TM9SF3: variants seen among roughly 807,000 people sequenced by gnomAD.
TM9SF3 encodes transmembrane 9 superfamily member 3, also known as SM-11044-binding protein.
A neutral mutation model predicts 78.6 loss-of-function variants in TM9SF3; 14 were observed. The observed-to-expected ratio is 0.18, with a 90% CI of 0.12 to 0.28. TM9SF3 has a LOEUF of 0.28. Ranked by LOEUF, TM9SF3 falls within the 10% of genes least tolerant of loss-of-function variation. The pLI, the probability that TM9SF3 is intolerant of heterozygous loss-of-function variation, is 1.00. For missense variants in TM9SF3, 496 were observed against 721.9 expected, an observed-to-expected ratio of 0.69 and a Z score of 3.59; for synonymous variants, 231 against 241.7, an observed-to-expected ratio of 0.96 and a Z score of 0.41.
In TM9SF3 at chr10:96,582,855, G is replaced by A. The variant is rs183654091; in HGVS notation, c.102+3879C>T. Among the ~76,000 whole-genome samples the A allele has an allele frequency of 1.4e-3, 220 of 151,850 alleles. 2 individuals carry two copies. The highest frequency in any genetic ancestry group is 5.1e-3 in the African/African-American group (211 of 41,402). On this transcript the variant is annotated intron_variant, in intron 1 of 14. Transcript: ENST00000371142. ...AGCACTTTGGGAGGCCGAGGCAGGC[G>A]GATCACCTGATATCAGGAGTTCAAG... is the stretch of plus-strand genomic sequence containing the variant.
At chr10:96,567,521 C>A (rs1415346003) in intron 2 of TM9SF3, among the ~76,000 whole-genome samples, 1 of 152,156 alleles carries the variant, frequency 6.6e-6, no homozygotes, top group African/African-American at 2.4e-5. Context: ...GGCCTCTGAA[C>A]TTTTTTGCTC....
intron 3 of TM9SF3, among the ~76,000 whole-genome samples, chr10:96,563,977 G>A (rs1302029110): frequency 6.6e-6 from 1 of 152,022 alleles, no homozygotes; most frequent in East Asian, 1.9e-4. Flanking sequence ...TTGCTAACGA[G>A]CCCACAGCTG....
chr10:96,562,851 A>AT (rs1564936772), intron 3 of TM9SF3, among the ~76,000 whole-genome samples: 2 of 152,202 alleles, frequency 1.3e-5, no homozygotes, highest in Non-Finnish European at 2.9e-5. Context: ...ACTGCCAGCT[A>AT]TTTGTCCAAT....
At chr10:96,556,913 A>G (rs1021430483) in intron 5 of TM9SF3, among the ~76,000 whole-genome samples, 1 of 152,166 alleles carries the variant, frequency 6.6e-6, no homozygotes, top group Non-Finnish European at 1.5e-5. Context: ...TTGACCCATC[A>G]GCAAAAATTC....
chr10:96,574,881 C>T (rs1848478928), intron 2 of TM9SF3, among the ~76,000 whole-genome samples: 1 of 152,108 alleles, frequency 6.6e-6, no homozygotes, highest in African/African-American at 2.4e-5. Flanking sequence ...AATGAGAACA[C>T]ATGGACACAG....
intron 1 of TM9SF3, among the ~76,000 whole-genome samples, chr10:96,580,378 G>A (rs1341590472): frequency 4.6e-5 from 7 of 152,036 alleles, no homozygotes; most frequent in Admixed American, 1.3e-4. Flanking sequence ...CCATTCTCCC[G>A]CCTCAGCCTC....
At chr10:96,546,616 C>A (rs563662456) in intron 8 of TM9SF3, among the ~76,000 whole-genome samples, 1 of 152,062 alleles carries the variant, frequency 6.6e-6, no homozygotes. Context: ...ACCTGCGAGT[C>A]GAATTTAGAG....
At chr10:96,529,800 A>G (rs1847876861) in intron 11 of TM9SF3, among the ~76,000 whole-genome samples, 2 of 152,158 alleles carry the variant, frequency 1.3e-5, no homozygotes, top group Admixed American at 1.3e-4. Flanking sequence ...CATACAGGAG[A>G]CAATCAGCAG....
At chr10:96,579,938 A>G (rs916788977) in intron 1 of TM9SF3, among the ~76,000 whole-genome samples, 14 of 152,230 alleles carry the variant, frequency 9.2e-5, no homozygotes, top group Non-Finnish European at 1.6e-4. Flanking sequence ...AAAACAAAAC[A>G]AACAAAAATC....
intron 12 of TM9SF3, 99 bp from the exon 13 acceptor site, chr10:96,527,595 T>G: frequency 1.1e-6 from 1 of 950,734 alleles, no homozygotes; most frequent in Non-Finnish European, 1.6e-6. Context: ...TCCTTTAAAG[T>G]CCTTTAAAAC....
At chr10:96,573,948 G>A (rs1848468152) in intron 2 of TM9SF3, among the ~76,000 whole-genome samples, 1 of 152,124 alleles carries the variant, frequency 6.6e-6, no homozygotes, top group Admixed American at 6.6e-5. Flanking sequence ...AGACTTAAAC[G>A]TAAGACCTAA....
At chr10:96,573,214 T>A (rs1246127212) in intron 2 of TM9SF3, among the ~76,000 whole-genome samples, 2 of 152,164 alleles carry the variant, frequency 1.3e-5, no homozygotes, top group African/African-American at 4.8e-5. Flanking sequence ...ATGTTCCAGT[T>A]TCTATTATTA....
At chr10:96,532,546 A>G (rs1179664850) in intron 10 of TM9SF3, among the ~76,000 whole-genome samples, 1 of 152,190 alleles carries the variant, frequency 6.6e-6, no homozygotes, top group African/African-American at 2.4e-5. Context: ...ATAAATAGGG[A>G]ATGTAATAAA....
intron 2 of TM9SF3, among the ~76,000 whole-genome samples, chr10:96,567,121 G>A (rs745603855): frequency 1.6e-5 from 1 of 63,316 alleles, no homozygotes; most frequent in Admixed American, 3.0e-4. Flanking sequence ...TTTCACTCTT[G>A]TTGTCCAAGC....
At chr10:96,546,373 G>A (rs1848100795) in intron 8 of TM9SF3, among the ~76,000 whole-genome samples, 1 of 152,164 alleles carries the variant, frequency 6.6e-6, no homozygotes, top group Non-Finnish European at 1.5e-5. Flanking sequence ...TGTAGTAAAG[G>A]AAAGTTGGGC....
rs1847730817 is a variant in TM9SF3 at position 96,519,156 on chromosome 10, C to T, written c.*3107G>A. On this transcript the variant is annotated 3_prime_UTR_variant, in exon 15 of 15. Transcript: ENST00000371142. ...GTTTTAATAACATTTCTTTGCAAGA[C>T]ATTTGGTATAAGGTGGTTAATAAAT... 1.3e-5 allele frequency: 2 copies of T among 152,002 alleles called. No individual in the cohort carries two copies. The highest frequency in any genetic ancestry group is 1.3e-4 in the Admixed American group (2 of 15,254). The allele number at this position is 152,002 out of a possible 1,614,324, so 9.4% of individuals were successfully genotyped here.
Position 96,520,751 on chromosome 10 carries a change from G to T in TM9SF3, c.*1512C>A, listed in dbSNP as rs1374196570. The T allele has an allele frequency of 2.5e-6, 1 of 393,436 alleles. No homozygotes were observed. Among genetic ancestry groups the T allele is most frequent in the Non-Finnish European group, 4.5e-6 (1 of 222,438 alleles). 24.4% of individuals were successfully genotyped at this position (393,436 alleles called of 1,614,324 possible). On this transcript the variant is annotated 3_prime_UTR_variant, in exon 15 of 15. Coordinates refer to ENST00000371142, the MANE Select transcript of TM9SF3 (RefSeq NM_020123.4). ...TTTTACCCCATCCCCACTTTACACG[G>T]TACACCAACCTGAACAGATTTTGTG...
intron 11 of TM9SF3, 84 bp downstream of exon 11, chr10:96,530,456 T>TAG: frequency 8.9e-7 from 1 of 1,120,310 alleles, no homozygotes; most frequent in Non-Finnish European, 1.3e-6. Context: ...TTCTCCCAAC[T>TAG]GATAACTTTA....
At chr10:96,559,145 G>A (rs1046552707) in intron 5 of TM9SF3, among the ~76,000 whole-genome samples, 5 of 152,016 alleles carry the variant, frequency 3.3e-5, no homozygotes, top group African/African-American at 9.7e-5. Context: ...ATCTCAATCC[G>A]TTCTCTCATT....
Sources: gnomAD v4.1 joint callset for allele counts (sites outside exome capture counted in the v4.1 genomes callset) on GRCh38, gnomAD v4.1.1 for gene constraint, MANE v1.5 for transcripts, NCBI Gene and HGNC (gene_info 2026-07-23, HGNC 2026-07-21) for gene names.